Variants in PPIH observed in about 807,000 individuals in gnomAD.
The protein encoded by PPIH is peptidylprolyl isomerase H, also known as peptidyl-prolyl cis-trans isomerase H.
Under a neutral mutation model 27.6 loss-of-function variants are expected in PPIH, and 16 were observed. The ratio of observed to expected loss-of-function variants is 0.58; its 90% confidence interval spans 0.39 to 0.88. The LOEUF is 0.88. Ranked by LOEUF, PPIH falls within the 40% of genes least tolerant of loss-of-function variation. The pLI is 0.00. For synonymous variants in PPIH, 63 were observed against 76.1 expected, an observed-to-expected ratio of 0.83 and a Z score of 0.90; for missense variants, 155 against 224.1, an observed-to-expected ratio of 0.69 and a Z score of 1.97.
At chr1:42,679,874 A>C (rs1404616026), downstream of PPIH, among the ~76,000 whole-genome samples, 1 of 152,230 alleles carries the variant, frequency 6.6e-6, no homozygotes, top group Non-Finnish European at 1.5e-5. Flanking sequence ...TTGCTGCTGA[A>C]AGCCTTTTTC....
At chr1:42,664,550 G>A (rs979045261) in intron 5 of PPIH, among the ~76,000 whole-genome samples, 4 of 152,212 alleles carry the variant, frequency 2.6e-5, no homozygotes, top group African/African-American at 9.6e-5. Flanking sequence ...GGAATGGCAA[G>A]GATTGAGTAT....
chr1:42,663,093 C>T (rs993170795), intron 5 of PPIH, among the ~76,000 whole-genome samples: 3 of 152,140 alleles, frequency 2.0e-5, no homozygotes, highest in Admixed American at 6.5e-5. Flanking sequence ...AACGTGATTA[C>T]GGAGAATGGC....
At chr1:42,666,932 A>G (rs988187078) in intron 8 of PPIH, among the ~76,000 whole-genome samples, 3 of 152,102 alleles carry the variant, frequency 2.0e-5, no homozygotes, top group Admixed American at 1.3e-4. Flanking sequence ...TCTGCCATGC[A>G]TGTCCCTGCT....
chr1:42,680,445 CA>C (rs1393718285), downstream of PPIH, among the ~76,000 whole-genome samples: 3 of 152,182 alleles, frequency 2.0e-5, no homozygotes, highest in Admixed American at 2.0e-4. Flanking sequence ...GAAGGTTGGA[CA>C]GGGAATACAA....
chr1:42,680,737 A>T (rs1471363860), downstream of PPIH, among the ~76,000 whole-genome samples: 3 of 152,204 alleles, frequency 2.0e-5, no homozygotes, highest in Non-Finnish European at 1.5e-5. Flanking sequence ...AAGAATACAA[A>T]TGGTTTTTAA....
intron 9 of PPIH, among the ~76,000 whole-genome samples, chr1:42,670,285 C>A (rs1649559162): frequency 6.6e-6 from 1 of 152,166 alleles, no homozygotes; most frequent in South Asian, 2.1e-4. Flanking sequence ...TGGCTGCTGG[C>A]CATTCCCTCC....
downstream of PPIH, among the ~76,000 whole-genome samples, chr1:42,677,785 A>G (rs1362425958): frequency 6.6e-6 from 1 of 152,164 alleles, no homozygotes; most frequent in African/African-American, 2.4e-5. Context: ...TGATCGTGCC[A>G]CTACACTCCA....
chr1:42,659,359 C>T, intron 3 of PPIH, 108 bp downstream of exon 3: 1 of 1,614,140 alleles, frequency 6.2e-7, no homozygotes, highest in Non-Finnish European at 8.5e-7. Flanking sequence ...TTGCTGGTGA[C>T]AGTGATAGAA....
chr1:42,680,439 G>C (rs1649989305), downstream of PPIH, among the ~76,000 whole-genome samples: 1 of 152,218 alleles, frequency 6.6e-6, no homozygotes, highest in South Asian at 2.1e-4. Flanking sequence ...CACCTGGAAG[G>C]TTGGACAGGG....
intron 6 of PPIH, among the ~76,000 whole-genome samples, chr1:42,665,397 C>G (rs903999936): frequency 6.6e-6 from 1 of 152,132 alleles, no homozygotes; most frequent in African/African-American, 2.4e-5. Flanking sequence ...AAGAGCGAAA[C>G]TCCATCTTAA....
chr1:42,659,348 A>G (rs1301136944), intron 3 of PPIH, 97 bp downstream of exon 3: 1 of 1,614,102 alleles, frequency 6.2e-7, no homozygotes, highest in Non-Finnish European at 8.5e-7. Context: ...GCCTTGAATG[A>G]TTGCTGGTGA....
intron 4 of PPIH, among the ~76,000 whole-genome samples, chr1:42,659,903 A>G (rs1302222479): frequency 3.9e-5 from 6 of 152,242 alleles, no homozygotes; most frequent in Admixed American, 1.3e-4. Flanking sequence ...TCCTAAAATG[A>G]TCATATATGA....
chr1:42,658,659 AAGG>A (rs1648801380), intron 1 of PPIH, 147 bp downstream of exon 1: 100 of 1,129,314 alleles, frequency 8.9e-5, no homozygotes, highest in Non-Finnish European at 1.1e-4. Context: ...GGCGGGGGGA[AAGG>A]AGGAGGAGGA....
At chr1:42,680,021 T>G (rs1404671798), downstream of PPIH, among the ~76,000 whole-genome samples, 1 of 152,234 alleles carries the variant, frequency 6.6e-6, no homozygotes, top group Non-Finnish European at 1.5e-5. Context: ...CCCAAGGAAG[T>G]CACAGTCTGG....
Position 42,660,591 on chromosome 1 carries a change from G to A in PPIH, c.201-271G>A, listed in dbSNP as rs551100275. Reference sequence around the variant, plus strand: ...ACTACAGGCATGTGCCACCACGCTCGGCTAATTTTTGTATTTTTAGTAGAG... The same window carrying A: ...ACTACAGGCATGTGCCACCACGCTCAGCTAATTTTTGTATTTTTAGTAGAG... On this transcript the variant is annotated intron_variant, in intron 4 of 9. Coordinates refer to ENST00000304979, the MANE Select transcript of PPIH (RefSeq NM_006347.4). Among the ~76,000 whole-genome samples the A allele has an allele frequency of 5.3e-5, 8 of 152,178 alleles. No individual in the cohort carries two copies. The East Asian group carries it at 1.2e-3, about 22-fold the overall frequency.
At chr1:42,680,755 A>G (rs970045592), downstream of PPIH, among the ~76,000 whole-genome samples, 1 of 152,218 alleles carries the variant, frequency 6.6e-6, no homozygotes, top group Non-Finnish European at 1.5e-5. Flanking sequence ...TAAAATGTTT[A>G]AATAGTTGAA....
At chr1:42,660,024 C>A (rs985513912) in intron 4 of PPIH, among the ~76,000 whole-genome samples, 2 of 152,154 alleles carry the variant, frequency 1.3e-5, no homozygotes, top group African/African-American at 4.8e-5. Flanking sequence ...AATGTTAGCA[C>A]ATAATTATAT....
At chr1:42,680,182 T>C (rs149006222), downstream of PPIH, among the ~76,000 whole-genome samples, 3 of 152,294 alleles carry the variant, frequency 2.0e-5, no homozygotes, top group African/African-American at 7.2e-5. Context: ...TTTTATGTAA[T>C]ACTCCAAACG....
At chr1:42,662,866 T>A (rs1649117675) in intron 5 of PPIH, among the ~76,000 whole-genome samples, 1 of 152,214 alleles carries the variant, frequency 6.6e-6, no homozygotes, top group African/African-American at 2.4e-5. Context: ...CTTAAAATAA[T>A]CTATATGTTT....
Sources: allele counts gnomAD v4.1 joint callset (sites outside exome capture counted in the v4.1 genomes callset), GRCh38; gene constraint gnomAD v4.1.1; transcripts MANE v1.5; gene names NCBI Gene and HGNC (gene_info 2026-07-23, HGNC 2026-07-21).